Variants in CCDC154 observed in about 807,000 individuals in gnomAD.
The protein encoded by CCDC154 is coiled-coil domain-containing protein 154.
In CCDC154, 91 loss-of-function variants were observed where a neutral mutation model predicts 87.5. The ratio of observed to expected loss-of-function variants is 1.04; its 90% CI spans 0.88 to 1.24. The LOEUF is 1.24. CCDC154 is among the 50% of genes most tolerant of loss of function. The probability of loss-of-function intolerance (pLI) is 0.00; values close to 1 mark genes in which losing one functional copy is unlikely to be tolerated. For synonymous variants in CCDC154, 418 were observed against 400.4 expected, an observed-to-expected ratio of 1.04 and a Z score of -0.52; for missense variants, 903 against 879.2, an observed-to-expected ratio of 1.03 and a Z score of -0.34.
rs951750530 is a variant in CCDC154 at position 1,443,780 on chromosome 16, C to G, written c.224+16G>C. The G allele has an allele frequency of 7.7e-7, 1 of 1,305,386 alleles. No individual in the cohort carries two copies. The highest frequency in any genetic ancestry group is 1.5e-5 in the African/African-American group (1 of 66,102). 80.9% of individuals were successfully genotyped at this position (1,305,386 alleles called of 1,614,324 possible). On this transcript the variant is annotated intron_variant, in intron 2 of 16. Coordinates refer to ENST00000389176, the MANE Select transcript of CCDC154 (RefSeq NM_001143980.3). Reference sequence around the variant, plus strand: ...CGACGTGGTCCTCCCCCGCCAGCACCCCCTGCAGGGCTCACCACTGCTCCA... The same window carrying G: ...CGACGTGGTCCTCCCCCGCCAGCACGCCCTGCAGGGCTCACCACTGCTCCA...
At chr16:1,435,390 AG>A (rs766127439) in intron 14 of CCDC154, 30 of 591,268 alleles carry the variant, frequency 5.1e-5, no homozygotes, top group Admixed American at 1.8e-4. Flanking sequence ...GCCAGGGCTC[AG>A]GGTTGTTCCG....
intron 6 of CCDC154, among the ~76,000 whole-genome samples, chr16:1,440,061 C>A (rs1011313438): frequency 6.7e-6 from 1 of 148,494 alleles, no homozygotes; most frequent in Non-Finnish European, 1.5e-5. Flanking sequence ...GCAGGAGAAT[C>A]GCTTGAACCC....
chr16:1,435,991 T>G lies in CCDC154; in HGVS notation c.1583A>C (p.Glu528Ala). The G allele has an allele frequency of 6.5e-7, 1 of 1,549,964 alleles. No individual in the cohort carries two copies. Among genetic ancestry groups the G allele is most frequent in the Non-Finnish European group, 8.7e-7 (1 of 1,146,748 alleles). The change falls in exon 14 of 17, where the codon GAG becomes GCG. Residue 528 changes from glutamate to alanine, a missense_variant. Glu to Ala is a moderately radical substitution (Grantham distance 107). Coordinates refer to ENST00000389176, the MANE Select transcript of CCDC154 (RefSeq NM_001143980.3). ...KEDNPGRKIA[E>A]MQGKLATFQN... The stretch of plus-strand genomic sequence containing the variant: ...TACCGTGGCCAGCTTGCCCTGCATC[T>G]CCGCGATCTTCCGCCCAGGGTTGTC...
chr16:1,442,639 C>A, intron 5 of CCDC154, 110 bp from the exon 6 acceptor site: 1 of 1,286,784 alleles, frequency 7.8e-7, no homozygotes, highest in South Asian at 1.5e-5. Context: ...CGCCCCCTGC[C>A]CCACCAGAAA....
intron 15 of CCDC154, 64 bp from the exon 16 acceptor site, chr16:1,434,916 G>A: frequency 6.9e-7 from 1 of 1,452,286 alleles, no homozygotes; most frequent in East Asian, 2.5e-5. Context: ...TGGCAAACGG[G>A]GGCTTATCTC....
chr16:1,439,567 G>A (rs922577601), intron 6 of CCDC154, among the ~76,000 whole-genome samples: 6 of 152,200 alleles, frequency 3.9e-5, no homozygotes, highest in Non-Finnish European at 5.9e-5. Context: ...GGGGGGAGGC[G>A]CAGCCGGCCC....
rs148718592 is a variant in CCDC154, at chr16:1,440,495, A to AAAGAG, written c.676-1374_676-1370dup. 8.5e-4 allele frequency among the ~76,000 whole-genome samples: 128 copies of AAAGAG among 149,806 alleles called. 1 individual carries two copies. The highest frequency in any genetic ancestry group is 5.0e-3 in the South Asian group (24 of 4,784). On this transcript the variant is annotated intron_variant, in intron 6 of 16. Coordinates refer to ENST00000389176, the MANE Select transcript of CCDC154 (RefSeq NM_001143980.3). ...AGAGAAGAGAAGAGAAGAGAACAGAAAAGAGAAGAGAAGAGAAGAGAAGAG... is the reference window on the plus strand; with the variant it reads ...AGAGAAGAGAAGAGAAGAGAACAGAAAAGAGAAGAGAAGAGAAGAGAAGAGAAGAG...
chr16:1,437,527 G>A (rs997137422), intron 11 of CCDC154: 3 of 406,056 alleles, frequency 7.4e-6, no homozygotes, highest in Admixed American at 4.1e-5. Context: ...GGTGGAGGCC[G>A]CTTGTCTGCC....
Position 1,436,538 on chromosome 16 carries a change from G to C in CCDC154, c.1411-17C>G. 1 of 1,548,186 alleles carries C rather than the reference G, an allele frequency of 6.5e-7. No individual in the cohort carries two copies. Among genetic ancestry groups the C allele is most frequent in the East Asian group, 2.4e-5 (1 of 40,892 alleles). The stretch of plus-strand genomic sequence containing the variant: ...ACTCTCTATCTGAACACAGAGCCGG[G>C]AGCGGCGGGCAGCCCCAGGGCGCCA... On this transcript the variant is annotated splice_polypyrimidine_tract_variant and intron_variant, in intron 12 of 16. Coordinates refer to ENST00000389176, the MANE Select transcript of CCDC154 (RefSeq NM_001143980.3).
intron 6 of CCDC154, among the ~76,000 whole-genome samples, chr16:1,439,874 G>A (rs574325303): frequency 6.6e-6 from 1 of 152,160 alleles, no homozygotes; most frequent in South Asian, 2.1e-4. Context: ...ACAAAAACAA[G>A]CAGTGACTGG....
chr16:1,440,910 C>T (rs1205102128), intron 6 of CCDC154, among the ~76,000 whole-genome samples: 1 of 151,000 alleles, frequency 6.6e-6, no homozygotes, highest in Non-Finnish European at 1.5e-5. Flanking sequence ...GAGATCGTGC[C>T]ACTGCACTCC....
In CCDC154 at chr16:1,436,467, TC is replaced by T; in HGVS notation, c.1464del (p.Ile489PhefsTer29). The T allele has an allele frequency of 1.3e-6, 2 of 1,548,868 alleles. No individual in the cohort carries two copies. The highest frequency in any genetic ancestry group is 1.7e-6 in the Non-Finnish European group (2 of 1,146,912). Reference sequence around the variant, plus strand: ...TACCTGGCCTTGCCTTCGGCGGAAATCCTGAGGTCTGAGTCGCTCTTATGAA... The same window carrying T: ...TACCTGGCCTTGCCTTCGGCGGAAATCTGAGGTCTGAGTCGCTCTTATGAA... ...CLLHKSDSDL[R>X]ISAEGKAREF... is the part of the protein sequence containing the mutation. On this transcript the variant is annotated frameshift_variant, in exon 13 of 17. Transcript: ENST00000389176. LOFTEE classifies it high-confidence loss of function.
intron 6 of CCDC154, among the ~76,000 whole-genome samples, chr16:1,440,382 G>T (rs1201023962): frequency 1.3e-5 from 2 of 151,566 alleles, no homozygotes; most frequent in Admixed American, 1.3e-4. Context: ...CCCGGGAGGT[G>T]GGGCTTGTAG....
At chr16:1,443,102 G>C (rs776235325) in intron 4 of CCDC154, 127 bp from the exon 5 acceptor site, 27 of 1,359,566 alleles carry the variant, frequency 2.0e-5, no homozygotes, top group Non-Finnish European at 3.0e-6. Flanking sequence ...AGGCCGCCCA[G>C]GCACGTACAA....
intron 5 of CCDC154, 38 bp from the exon 6 acceptor site, chr16:1,442,567 C>G (rs1311198623): frequency 6.7e-7 from 1 of 1,494,640 alleles, no homozygotes; most frequent in Non-Finnish European, 8.9e-7. Context: ...GCCCAGCTGG[C>G]CGGAGGGCCC....
At chr16:1,435,910 C>T (rs1426620003) in intron 14 of CCDC154, 59 bp downstream of exon 14, 24 of 1,405,446 alleles carry the variant, frequency 1.7e-5, no homozygotes, top group African/African-American at 2.8e-5. Context: ...ACGGCTGCCC[C>T]GTCTGAACCT....
At chr16:1,440,950 TAAAAAA>T (rs35719330) in intron 6 of CCDC154, among the ~76,000 whole-genome samples, 1 of 132,120 alleles carries the variant, frequency 7.6e-6, no homozygotes, top group African/African-American at 2.8e-5. Context: ...GACTCCGTCT[TAAAAAA>T]AAAAAAAAAA....
In CCDC154 at chr16:1,443,590, G is replaced by C. The variant is rs906999863; in HGVS notation, c.330C>G (p.Arg110=). Residue 110 remains arginine, a synonymous_variant, in exon 3 of 17, where the codon CGC becomes CGG. Transcript: ENST00000389176. ...TCAGCTCTGAGCCCTGCAGCTGCAC[G>C]CGGGCCCGCACCTGGAGCAGCTCCC... is the stretch of plus-strand genomic sequence containing the variant. ...LLRELLQVRA[R]VQLQGSELRQ... is the part of the protein sequence containing the mutation. 1 of 1,457,556 alleles carries C rather than the reference G, an allele frequency of 6.9e-7. No homozygotes were observed. The highest frequency in any genetic ancestry group is 9.1e-7 in the Non-Finnish European group (1 of 1,102,192). 90.3% of individuals were successfully genotyped at this position (1,457,556 alleles called of 1,614,324 possible). A position where few individuals can be genotyped will look rare whatever the true frequency, so the allele number is the denominator to read the frequency against.
intron 14 of CCDC154, 87 bp from the exon 15 acceptor site, chr16:1,435,262 G>T: frequency 8.3e-7 from 1 of 1,210,082 alleles, no homozygotes; most frequent in Non-Finnish European, 1.2e-6. Flanking sequence ...CCACTGTTGA[G>T]TGCTTACAGC....
Sources: allele counts gnomAD v4.1 joint callset (sites outside exome capture counted in the v4.1 genomes callset), GRCh38; gene constraint gnomAD v4.1.1; transcripts MANE v1.5; gene names NCBI Gene and HGNC (gene_info 2026-07-23, HGNC 2026-07-21).